RASA1: variants seen among roughly 807,000 people sequenced by gnomAD.
RASA1 encodes the protein RAS p21 protein activator 1.
A neutral mutation model predicts 132.2 loss-of-function variants in RASA1; 25 were observed. The ratio of observed to expected loss-of-function variants is 0.19; its 90% CI spans 0.14 to 0.26. The LOEUF is 0.26. Ranked by LOEUF, RASA1 falls within the 10% of genes least tolerant of loss-of-function variation. The pLI is 1.00. For synonymous variants in RASA1, 477 were observed against 449.9 expected, an observed-to-expected ratio of 1.06 and a Z score of -0.76; for missense variants, 964 against 1,299.2, an observed-to-expected ratio of 0.74 and a Z score of 3.97.
chr5:87,376,661 G>A (rs1352185807), intron 16 of RASA1, 96 bp downstream of exon 16: 1 of 1,433,652 alleles, frequency 7.0e-7, no homozygotes, highest in Non-Finnish European at 9.7e-7. Context: ...GTAATTCATA[G>A]CTTAGTAGCA....
chr5:87,365,618 C>T (rs2112464848), intron 11 of RASA1, among the ~76,000 whole-genome samples: 1 of 151,924 alleles, frequency 6.6e-6, no homozygotes, highest in South Asian at 2.1e-4. Flanking sequence ...TTATAATTAG[C>T]CTTAATGTAC....
At chr5:87,368,220 T>C (rs1282042639) in intron 11 of RASA1, among the ~76,000 whole-genome samples, 1 of 152,186 alleles carries the variant, frequency 6.6e-6, no homozygotes, top group African/African-American at 2.4e-5. Context: ...CTTCTGATCT[T>C]TCAGTTCACT....
In RASA1 at chr5:87,380,490, G is replaced by A. The variant is rs1487801274; in HGVS notation, c.2604-19G>A. 2.5e-6 allele frequency: 4 copies of A among 1,591,286 alleles called. No homozygotes were observed. Among genetic ancestry groups the A allele is most frequent in the Non-Finnish European group, 2.6e-6 (3 of 1,159,612 alleles). ...TTTCACTTGCTTTCTGTGTTGAGAT[G>A]ATTGTGTTATTTTGGCAGGACATTG... On this transcript the variant is annotated intron_variant, in intron 19 of 24. Transcript: ENST00000274376.
intron 5 of RASA1, among the ~76,000 whole-genome samples, chr5:87,340,718 A>G (rs940229787): frequency 4.6e-5 from 7 of 152,164 alleles, no homozygotes; most frequent in African/African-American, 1.7e-4. Flanking sequence ...AGCATTTGAG[A>G]TAGTTCCTTC....
At chr5:87,385,832 G>A (rs1324191295) in intron 22 of RASA1, among the ~76,000 whole-genome samples, 3 of 151,822 alleles carry the variant, frequency 2.0e-5, no homozygotes, top group Non-Finnish European at 4.4e-5. Context: ...CACCTAATAC[G>A]TGACAGACTT....
chr5:87,335,528 C>T (rs555890364), intron 4 of RASA1, among the ~76,000 whole-genome samples: 10 of 146,564 alleles, frequency 6.8e-5, no homozygotes, highest in East Asian at 2.0e-4. Flanking sequence ...TGGGTTCAAG[C>T]GATTCTCCTG....
At position 87,379,714 on chromosome 5, in the gene RASA1, T is replaced by A. The variant is rs1471149721; in HGVS notation, c.2488-21T>A. On this transcript the variant is annotated intron_variant, in intron 18 of 24. Transcript: ENST00000274376. ...TTGTCATTGCCAACATGCATTTATATTGATTTATTCCTTCTTTTAGTTAAG... is the reference window on the plus strand; with the variant it reads ...TTGTCATTGCCAACATGCATTTATAATGATTTATTCCTTCTTTTAGTTAAG... 4 of 1,609,738 alleles carry A rather than the reference T, an allele frequency of 2.5e-6. No homozygotes were observed. In the African/African-American group the frequency reaches 5.3e-5, roughly 22 times the overall value.
chr5:87,379,998 T>A, intron 19 of RASA1, 148 bp downstream of exon 19: 1 of 876,304 alleles, frequency 1.1e-6, no homozygotes, highest in Non-Finnish European at 1.7e-6. Flanking sequence ...GAATTGTATT[T>A]AAAGAAAATA....
chr5:87,272,370 C>T (rs1360373373), intron 1 of RASA1, among the ~76,000 whole-genome samples: 1 of 151,952 alleles, frequency 6.6e-6, no homozygotes, highest in Non-Finnish European at 1.5e-5. Flanking sequence ...GTTATCAACC[C>T]AGAGTCACTG....
chr5:87,317,587 A>G (rs1259614867), intron 1 of RASA1, among the ~76,000 whole-genome samples: 1 of 150,276 alleles, frequency 6.7e-6, no homozygotes, highest in Non-Finnish European at 1.5e-5. Flanking sequence ...TTCTGTTTTT[A>G]AGGAAAAGAT....
In RASA1 at chr5:87,268,642, G is replaced by A. The variant is rs1211845114; in HGVS notation, c.191G>A (p.Gly64Glu). The change falls in exon 1 of 25, where the codon GGA becomes GAA. Residue 64 changes from glycine to glutamate, a missense_variant. Transcript: ENST00000274376. The stretch of plus-strand genomic sequence containing the variant: ...GGAGTGGCTGGAACTCTGGGTGGCG[G>A]AGCCGCTTTGGGGTCAGAGTTCCTA... ...ETGVAGTLGG[G>E]AALGSEFLGA... 1 of 1,611,296 alleles carries A rather than the reference G, an allele frequency of 6.2e-7. No individual in the cohort carries two copies. The highest frequency in any genetic ancestry group is 1.1e-5 in the South Asian group (1 of 90,662).
intron 7 of RASA1, among the ~76,000 whole-genome samples, chr5:87,346,927 T>C (rs888171427): frequency 2.0e-5 from 3 of 152,026 alleles, no homozygotes; most frequent in Non-Finnish European, 4.4e-5. Context: ...GTGTTTTTCT[T>C]TTACCCCAGG....
At chr5:87,382,394 C>T (rs547382019) in intron 20 of RASA1, among the ~76,000 whole-genome samples, 2 of 152,268 alleles carry the variant, frequency 1.3e-5, no homozygotes, top group Non-Finnish European at 2.9e-5. Flanking sequence ...GAGATTGTAT[C>T]TATTAATCTA....
At position 87,391,211 on chromosome 5, in the gene RASA1, AC is replaced by A. The variant is rs1762490349; in HGVS notation, c.*331del. 2.2e-6 allele frequency: 1 copy of A among 446,222 alleles called. No homozygotes were observed. Among genetic ancestry groups the A allele is most frequent in the Non-Finnish European group, 4.1e-6 (1 of 243,526 alleles). The allele number at this position is 446,222 out of a possible 1,614,324, so 27.6% of individuals were successfully genotyped here. A position where few individuals can be genotyped will look rare whatever the true frequency, so the allele number is the denominator to read the frequency against. ...AACTTTCAAAATATATTTTCAGTAC[AC>A]CCAGTTGCCAAAGTTTTGCTGTCTC... is the stretch of plus-strand genomic sequence containing the variant. On this transcript the variant is annotated 3_prime_UTR_variant, in exon 25 of 25. Coordinates refer to ENST00000274376, the MANE Select transcript of RASA1 (RefSeq NM_002890.3).
chr5:87,330,819 T>A, intron 1 of RASA1: 1 of 523,302 alleles, frequency 1.9e-6, no homozygotes, highest in South Asian at 6.8e-5. Context: ...GCCAAAGGGA[T>A]TAATCAGCTT....
intron 1 of RASA1, among the ~76,000 whole-genome samples, chr5:87,298,081 A>G (rs1195902126): frequency 6.6e-6 from 1 of 152,010 alleles, no homozygotes; most frequent in Non-Finnish European, 1.5e-5. Flanking sequence ...ACTTGTTAGG[A>G]TGGAGTGGTG....
intron 11 of RASA1, among the ~76,000 whole-genome samples, chr5:87,365,540 C>T (rs1451022552): frequency 5.3e-5 from 8 of 151,856 alleles, no homozygotes; most frequent in Admixed American, 1.3e-4. Flanking sequence ...TTTTAATTAT[C>T]GTAAAATATA....
At chr5:87,333,621 T>C (rs1373981213) in intron 4 of RASA1, among the ~76,000 whole-genome samples, 3 of 152,212 alleles carry the variant, frequency 2.0e-5, no homozygotes, top group Non-Finnish European at 4.4e-5. Flanking sequence ...ATCTATATGC[T>C]ATGTAAATTT....
chr5:87,275,651 A>G (rs550283103), intron 1 of RASA1, among the ~76,000 whole-genome samples: 1 of 151,350 alleles, frequency 6.6e-6, no homozygotes, highest in Admixed American at 6.6e-5. Context: ...GCTCACTGCA[A>G]CCTCCGCCTT....
Sources: allele counts gnomAD v4.1 joint callset (sites outside exome capture counted in the v4.1 genomes callset), GRCh38; gene constraint gnomAD v4.1.1; transcripts MANE v1.5; gene names NCBI Gene and HGNC (gene_info 2026-07-23, HGNC 2026-07-21).